ATXN7L1: variants seen among roughly 807,000 people sequenced by gnomAD.
ATXN7L1 encodes ataxin-7-like protein 1.
In ATXN7L1, 15 loss-of-function variants were observed where a neutral mutation model predicts 70.8. That is an observed-to-expected ratio of 0.21 (90% confidence interval 0.14 to 0.33). The LOEUF (loss-of-function observed/expected upper bound fraction) is 0.33, where lower values mean the gene tolerates loss of function less well. ATXN7L1 is among the 10% of genes least tolerant of loss of function. ATXN7L1 has a pLI of 1.00. For synonymous variants in ATXN7L1, 440 were observed against 445.1 expected, an observed-to-expected ratio of 0.99 and a Z score of 0.14; for missense variants, 975 against 1,097.1, an observed-to-expected ratio of 0.89 and a Z score of 1.57.
At chr7:105,811,108 T>C (rs1258060031) in intron 2 of ATXN7L1, among the ~76,000 whole-genome samples, 1 of 152,238 alleles carries the variant, frequency 6.6e-6, no homozygotes, top group Admixed American at 6.5e-5. Flanking sequence ...TGGTCTTATT[T>C]GGAAACAGCG....
At chr7:105,736,540 A>AT (rs1346937959) in intron 3 of ATXN7L1, among the ~76,000 whole-genome samples, 1 of 152,106 alleles carries the variant, frequency 6.6e-6, no homozygotes, top group Non-Finnish European at 1.5e-5. Context: ...CTGATGGGAG[A>AT]TTTGGCACAT....
chr7:105,625,069 A>G (rs981918849), intron 7 of ATXN7L1, among the ~76,000 whole-genome samples: 2 of 152,222 alleles, frequency 1.3e-5, no homozygotes, highest in African/African-American at 4.8e-5. Flanking sequence ...ATGCAGTCCT[A>G]TGCATACGTT....
intron 4 of ATXN7L1, among the ~76,000 whole-genome samples, chr7:105,646,957 A>T (rs955978717): frequency 1.3e-5 from 2 of 151,510 alleles, no homozygotes; most frequent in Non-Finnish European, 1.5e-5. Context: ...AAAAAAAAAA[A>T]TTAGAAGAAT....
intron 4 of ATXN7L1, among the ~76,000 whole-genome samples, chr7:105,656,720 G>A (rs373221939): frequency 4.6e-5 from 7 of 151,998 alleles, no homozygotes; most frequent in Admixed American, 1.3e-4. Flanking sequence ...ACAGGTGCCC[G>A]CCACTACACT....
At chr7:105,672,196 G>T (rs1322923684) in intron 3 of ATXN7L1, among the ~76,000 whole-genome samples, 1 of 152,166 alleles carries the variant, frequency 6.6e-6, no homozygotes, top group South Asian at 2.1e-4. Flanking sequence ...TGAGGCAGGA[G>T]AATCACTTGA....
At chr7:105,692,223 T>C (rs1342334123) in intron 3 of ATXN7L1, among the ~76,000 whole-genome samples, 1 of 152,146 alleles carries the variant, frequency 6.6e-6, no homozygotes, top group Non-Finnish European at 1.5e-5. Context: ...ACTGGGTGCT[T>C]CCTCGAAGCA....
chr7:105,620,174 A>T (rs1794718334), intron 9 of ATXN7L1, 26 bp downstream of exon 9: 2 of 1,550,080 alleles, frequency 1.3e-6, no homozygotes, highest in Non-Finnish European at 1.7e-6. Context: ...CTTGGATCTT[A>T]TATTGCACAA....
intron 3 of ATXN7L1, among the ~76,000 whole-genome samples, chr7:105,757,210 A>C (rs199909981): frequency 0.13 from 19,936 of 152,204 alleles, 1,726 homozygotes; most frequent in East Asian, 0.45. Flanking sequence ...TTGAAAAAAA[A>C]AATCAGGTTT....
intron 11 of ATXN7L1, 131 bp from the exon 12 acceptor site, chr7:105,608,021 A>T: frequency 2.5e-6 from 2 of 813,884 alleles, no homozygotes; most frequent in Non-Finnish European, 4.0e-6. Flanking sequence ...ATATCCAGCA[A>T]AGGGCAGCTG....
At chr7:105,853,433 A>G (rs181538403) in intron 2 of ATXN7L1, among the ~76,000 whole-genome samples, 177 of 152,264 alleles carry the variant, frequency 1.2e-3, no homozygotes, top group Non-Finnish European at 1.9e-3. Flanking sequence ...AGGTGCCTAT[A>G]ATCCCAGCTA....
chr7:105,701,622 C>G (rs1584773228), intron 3 of ATXN7L1, among the ~76,000 whole-genome samples: 1 of 152,334 alleles, frequency 6.6e-6, no homozygotes, highest in East Asian at 1.9e-4. Flanking sequence ...CACCCCATCC[C>G]ATCCTCAAGT....
chr7:105,821,270 C>G (rs1810116620), intron 2 of ATXN7L1, among the ~76,000 whole-genome samples: 2 of 152,176 alleles, frequency 1.3e-5, no homozygotes. Context: ...AACTCCCAAC[C>G]TCAGGTGATC....
intron 3 of ATXN7L1, among the ~76,000 whole-genome samples, chr7:105,751,485 A>C (rs1409625431): frequency 6.6e-6 from 1 of 152,038 alleles, no homozygotes. Flanking sequence ...ATACAAAAAA[A>C]ATTAGCTGGG....
intron 11 of ATXN7L1, 22 bp downstream of exon 11, chr7:105,610,504 CCCA>C: frequency 8.5e-7 from 1 of 1,174,830 alleles, no homozygotes; most frequent in Non-Finnish European, 1.2e-6. Context: ...GAATTTTTGC[CCCA>C]CCCCCACCCT....
At chr7:105,616,903 A>G (rs1457773518) in intron 9 of ATXN7L1, among the ~76,000 whole-genome samples, 1 of 152,224 alleles carries the variant, frequency 6.6e-6, no homozygotes, top group Non-Finnish European at 1.5e-5. Flanking sequence ...TGCTTACACT[A>G]AAGTATAGAT....
At chr7:105,853,361 T>C (rs1815183556) in intron 2 of ATXN7L1, among the ~76,000 whole-genome samples, 1 of 152,226 alleles carries the variant, frequency 6.6e-6, no homozygotes, top group Non-Finnish European at 1.5e-5. Flanking sequence ...GAGACCAGCC[T>C]GGCCAACATG....
chr7:105,750,047 G>C (rs1363631078), intron 3 of ATXN7L1, among the ~76,000 whole-genome samples: 1 of 151,828 alleles, frequency 6.6e-6, no homozygotes, highest in Non-Finnish European at 1.5e-5. Context: ...TTCAAAATGG[G>C]AGAACTTGGG....
intron 4 of ATXN7L1, among the ~76,000 whole-genome samples, chr7:105,646,600 T>C (rs934098397): frequency 1.3e-5 from 2 of 152,028 alleles, no homozygotes; most frequent in Admixed American, 1.3e-4. Flanking sequence ...GTACTTTTAG[T>C]AGAGATGGGG....
chr7:105,863,101 C>G (rs1816879932), intron 2 of ATXN7L1, among the ~76,000 whole-genome samples: 1 of 152,170 alleles, frequency 6.6e-6, no homozygotes, highest in African/African-American at 2.4e-5. Flanking sequence ...ATCCCAATGC[C>G]ATGAGGGAAA....
Sources: gnomAD v4.1 joint callset for allele counts (sites outside exome capture counted in the v4.1 genomes callset) on GRCh38, gnomAD v4.1.1 for gene constraint, MANE v1.5 for transcripts, NCBI Gene and HGNC (gene_info 2026-07-23, HGNC 2026-07-21) for gene names.